ADGRL3: variants seen among roughly 807,000 people sequenced by gnomAD.
ADGRL3 encodes the protein calcium-independent alpha-latrotoxin receptor 3.
A neutral mutation model predicts 153.5 loss-of-function variants in ADGRL3; 62 were observed. The observed-to-expected ratio is 0.40, with a 90% CI of 0.33 to 0.50. The LOEUF is 0.50. Among genes scored for constraint, ADGRL3 ranks in the 20% least tolerant of loss-of-function variants. ADGRL3 has a pLI of 0.47. For synonymous variants in ADGRL3, 710 were observed against 672.5 expected (o/e 1.06, Z -0.86); for missense variants, 1,641 against 1,859.4 (o/e 0.88, Z 2.16).
intron 6 of ADGRL3, among the ~76,000 whole-genome samples, chr4:61,709,983 CATATATT>C (rs1318055394): frequency 7.2e-5 from 11 of 152,066 alleles, no homozygotes; most frequent in Non-Finnish European, 1.3e-4. Flanking sequence ...TTCAAGGAAG[CATATATT>C]ATTATTATAG....
chr4:61,973,749 T>C (rs2099037736), intron 17 of ADGRL3, among the ~76,000 whole-genome samples: 1 of 152,138 alleles, frequency 6.6e-6, no homozygotes, highest in Admixed American at 6.6e-5. Context: ...CACTAGTCTA[T>C]GGTACAGACC....
intron 8 of ADGRL3, among the ~76,000 whole-genome samples, chr4:61,735,510 A>G (rs561706831): frequency 6.6e-6 from 1 of 152,270 alleles, no homozygotes; most frequent in African/African-American, 2.4e-5. Context: ...ACAGTTTAAA[A>G]CCTGATCAAT....
At chr4:61,491,578 A>T (rs148517387) in intron 2 of ADGRL3, among the ~76,000 whole-genome samples, 6 of 152,038 alleles carry the variant, frequency 3.9e-5, no homozygotes, top group African/African-American at 1.4e-4. Context: ...TGTAATTTAT[A>T]TCATTTCTTT....
At chr4:61,223,971 TTTC>T (rs1310659376) in intron 1 of ADGRL3, among the ~76,000 whole-genome samples, 3 of 152,196 alleles carry the variant, frequency 2.0e-5, no homozygotes, top group Non-Finnish European at 4.4e-5. Flanking sequence ...TAATCAACAC[TTTC>T]TATTCATAAA....
At chr4:61,729,116 G>C (rs1453597811) in intron 6 of ADGRL3, among the ~76,000 whole-genome samples, 1 of 151,882 alleles carries the variant, frequency 6.6e-6, no homozygotes, top group African/African-American at 2.4e-5. Context: ...CTCACTACCT[G>C]GGTGATGGGA....
chr4:61,362,340 A>G (rs184875135), intron 1 of ADGRL3, among the ~76,000 whole-genome samples: 1 of 150,752 alleles, frequency 6.6e-6, no homozygotes, highest in Admixed American at 6.6e-5. Flanking sequence ...ATATATATAT[A>G]TATATACACA....
At chr4:61,595,359 G>A (rs570153468) in intron 5 of ADGRL3, among the ~76,000 whole-genome samples, 13 of 152,174 alleles carry the variant, frequency 8.5e-5, no homozygotes, top group East Asian at 1.9e-4. Context: ...GGGCCCAAGC[G>A]TTCTTTAGTC....
chr4:61,819,234 A>G (rs1170194634), intron 9 of ADGRL3, among the ~76,000 whole-genome samples: 1 of 152,080 alleles, frequency 6.6e-6, no homozygotes, highest in Admixed American at 6.6e-5. Flanking sequence ...CTTGTATGTT[A>G]TGGGTTTTTA....
At chr4:61,634,919 T>A (rs973007251) in intron 5 of ADGRL3, among the ~76,000 whole-genome samples, 1 of 152,208 alleles carries the variant, frequency 6.6e-6, no homozygotes, top group Admixed American at 6.5e-5. Flanking sequence ...GCAAGAGCCC[T>A]ATTTACAAAG....
intron 11 of ADGRL3, among the ~76,000 whole-genome samples, chr4:61,905,437 T>C (rs2098690697): frequency 6.6e-6 from 1 of 152,128 alleles, no homozygotes; most frequent in African/African-American, 2.4e-5. Flanking sequence ...GACCCACCAG[T>C]GGGCCACAAA....
chr4:61,361,578 A>G (rs960910677), intron 1 of ADGRL3, among the ~76,000 whole-genome samples: 2 of 152,212 alleles, frequency 1.3e-5, no homozygotes, highest in Non-Finnish European at 2.9e-5. Flanking sequence ...TCAGGGCAGT[A>G]ATGATATCCA....
intron 9 of ADGRL3, among the ~76,000 whole-genome samples, chr4:61,870,645 C>T (rs549888532): frequency 1.3e-5 from 2 of 152,214 alleles, no homozygotes; most frequent in East Asian, 3.9e-4. Context: ...AGCAAATAGA[C>T]ATTTCACCAA....
intron 8 of ADGRL3, among the ~76,000 whole-genome samples, chr4:61,777,676 C>T (rs1278902196): frequency 1.3e-5 from 2 of 152,128 alleles, no homozygotes; most frequent in Non-Finnish European, 2.9e-5. Context: ...GTCATTAGGA[C>T]ACACAAATTC....
intron 5 of ADGRL3, among the ~76,000 whole-genome samples, chr4:61,648,322 C>T (rs892751746): frequency 5.9e-5 from 8 of 135,608 alleles, no homozygotes; most frequent in Non-Finnish European, 1.1e-4. Context: ...TAGTGAGTAG[C>T]TTTTAAGAGT....
At chr4:61,438,865 G>A (rs1399006318) in intron 2 of ADGRL3, among the ~76,000 whole-genome samples, 2 of 151,764 alleles carry the variant, frequency 1.3e-5, no homozygotes, top group South Asian at 2.1e-4. Flanking sequence ...CCGCCACCAC[G>A]CCCGGCTAAT....
At chr4:61,673,898 GATAATAACTATAA>G in intron 5 of ADGRL3, among the ~76,000 whole-genome samples, 1 of 150,854 alleles carries the variant, frequency 6.6e-6, no homozygotes, top group Non-Finnish European at 1.5e-5. Context: ...GAACAATGAT[GATAATAACTATAA>G]ATATATTATA....
chr4:61,962,231 T>C (rs1447798148), intron 17 of ADGRL3, among the ~76,000 whole-genome samples: 2 of 151,870 alleles, frequency 1.3e-5, no homozygotes, highest in African/African-American at 4.8e-5. Flanking sequence ...AGAACAAGCC[T>C]CCATCTCAAA....
intron 5 of ADGRL3, among the ~76,000 whole-genome samples, chr4:61,613,571 C>T (rs979376716): frequency 1.3e-5 from 2 of 152,100 alleles, no homozygotes; most frequent in African/African-American, 2.4e-5. Context: ...TGATGAAACC[C>T]TGTCTCTACT....
At chr4:61,795,187 G>A (rs2097394725) in intron 8 of ADGRL3, among the ~76,000 whole-genome samples, 1 of 152,164 alleles carries the variant, frequency 6.6e-6, no homozygotes, top group Admixed American at 6.6e-5. Flanking sequence ...GACTGCAGTA[G>A]CATGATCATA....
Sources: gnomAD v4.1 joint callset for allele counts (sites outside exome capture counted in the v4.1 genomes callset) on GRCh38, gnomAD v4.1.1 for gene constraint, MANE v1.5 for transcripts, NCBI Gene and HGNC (gene_info 2026-07-23, HGNC 2026-07-21) for gene names.